Variants in ASB4 observed in about 807,000 individuals in gnomAD.
ASB4 encodes ankyrin repeat and SOCS box containing 4, also known as ankyrin repeat and SOCS box protein 4.
In ASB4, 35 loss-of-function variants were observed where a neutral mutation model predicts 38.6. The observed-to-expected ratio is 0.91, with a 90% CI of 0.69 to 1.20. The LOEUF (loss-of-function observed/expected upper bound fraction) is 1.20. Ranked by LOEUF, ASB4 falls within the 50% of genes most tolerant of loss-of-function variation. ASB4 has a pLI of 0.00. For missense variants in ASB4, 557 were observed against 527.2 expected (o/e 1.06, Z -0.55); for synonymous variants, 195 against 201.3 (o/e 0.97, Z 0.26).
downstream of ASB4, chr7:95,542,924 T>C (rs1790989717): frequency 6.6e-6 from 1 of 152,174 alleles, no homozygotes. Flanking sequence ...CCTGGATTAG[T>C]TTTCAGTGCT....
chr7:95,526,302 T>TGGCACAATGACCTTGTTCTGTG (rs1790735035), intron 2 of ASB4, among the ~76,000 whole-genome samples: 1 of 152,220 alleles, frequency 6.6e-6, no homozygotes, highest in Non-Finnish European at 1.5e-5. Flanking sequence ...GACTTCTTCC[T>TGGCACAATGACCTTGTTCTGTG]GGCACAATGA....
upstream of ASB4, among the ~76,000 whole-genome samples, chr7:95,481,885 T>C (rs1306925022): frequency 6.6e-6 from 1 of 152,170 alleles, no homozygotes; most frequent in East Asian, 1.9e-4. Context: ...TCTTATAGAA[T>C]GGAGAGTTTT....
intron 3 of ASB4, among the ~76,000 whole-genome samples, chr7:95,529,937 T>C (rs796837161): frequency 1.3e-5 from 2 of 152,058 alleles, no homozygotes; most frequent in South Asian, 4.1e-4. Context: ...TTAACAAATA[T>C]TTACTTAACA....
chr7:95,490,847 A>G (rs994775868), intron 1 of ASB4, among the ~76,000 whole-genome samples: 1 of 152,272 alleles, frequency 6.6e-6, no homozygotes, highest in Admixed American at 6.5e-5. Flanking sequence ...ATTAGTCTGC[A>G]TATTTTCTTT....
the ASB4 span, among the ~76,000 whole-genome samples, chr7:95,550,790 G>C: frequency 1.7e-4 from 26 of 152,202 alleles, no homozygotes; most frequent in East Asian, 3.9e-3. Context: ...CAGCAAGGAC[G>C]GCAAAGGTTA....
At position 95,526,950 on chromosome 7, in the gene ASB4, C is replaced by A. The variant is rs115830213; in HGVS notation, c.488-863C>A. Among the ~76,000 whole-genome samples, 1,291 of 152,274 alleles carry A rather than the reference C, an allele frequency of 8.5e-3. 20 individuals are homozygous for A. The highest frequency in any genetic ancestry group is 0.028 in the African/African-American group (1,160 of 41,544). ...TTTCTAATTAGAAAAACAAAATTCACTTAAGTTTTCTAGTCTGTTAAATAA... is the reference window on the plus strand; with the variant it reads ...TTTCTAATTAGAAAAACAAAATTCAATTAAGTTTTCTAGTCTGTTAAATAA... On this transcript the variant is annotated intron_variant, in intron 2 of 4. Coordinates refer to ENST00000325885, the MANE Select transcript of ASB4 (RefSeq NM_016116.3).
intron 3 of ASB4, among the ~76,000 whole-genome samples, chr7:95,530,597 G>T (rs929687803): frequency 6.6e-6 from 1 of 152,160 alleles, no homozygotes; most frequent in African/African-American, 2.4e-5. Context: ...ATGTTTGAGG[G>T]AGAGCAAGGA....
chr7:95,507,702 G>A (rs1159235995), intron 2 of ASB4, among the ~76,000 whole-genome samples: 1 of 152,120 alleles, frequency 6.6e-6, no homozygotes, highest in Non-Finnish European at 1.5e-5. Flanking sequence ...CTAGCACTAG[G>A]GAAAAGAGTG....
chr7:95,477,921 A>C (rs1585789200), upstream of ASB4, among the ~76,000 whole-genome samples: 1 of 149,434 alleles, frequency 6.7e-6, no homozygotes, highest in Non-Finnish European at 1.5e-5. Context: ...TTGTTGTGCA[A>C]TTTTTTTTTT....
At chr7:95,488,697 C>T (rs918713784) in intron 1 of ASB4, among the ~76,000 whole-genome samples, 15 of 152,174 alleles carry the variant, frequency 9.9e-5, no homozygotes, top group African/African-American at 3.6e-4. Flanking sequence ...CTACACACTG[C>T]TCTTTGATTT....
rs537076908 is a variant in ASB4 at position 95,536,258 on chromosome 7, C to A, written c.979-179C>A. On this transcript the variant is annotated intron_variant, in intron 3 of 4. Transcript: ENST00000325885. The stretch of plus-strand genomic sequence containing the variant: ...ACAGATAGGGTCTTGATGTGTTGCC[C>A]AAGATAGCTTTGAACTCTTGGGCTC... Among the ~76,000 whole-genome samples the A allele has an allele frequency of 5.3e-5, 8 of 152,094 alleles. No individual in the cohort carries two copies. The South Asian group carries it at 1.7e-3, about 32-fold the overall frequency.
At chr7:95,480,331 T>G (rs957636136) in intron 1 of ASB4, among the ~76,000 whole-genome samples, 2 of 152,308 alleles carry the variant, frequency 1.3e-5, no homozygotes, top group Admixed American at 1.3e-4. Context: ...GCTTTCTTTG[T>G]GTATCTGCAG....
chr7:95,484,841 C>G (rs1281791425), upstream of ASB4, among the ~76,000 whole-genome samples: 1 of 151,652 alleles, frequency 6.6e-6, no homozygotes, highest in African/African-American at 2.4e-5. Flanking sequence ...AAATTTCAAA[C>G]TTACAGAAAA....
At chr7:95,485,655 T>C (rs986377600), upstream of ASB4, among the ~76,000 whole-genome samples, 1 of 152,236 alleles carries the variant, frequency 6.6e-6, no homozygotes, top group Non-Finnish European at 1.5e-5. Flanking sequence ...TTAAATCTTA[T>C]ATTATTACTT....
At chr7:95,484,791 AAATTAAGTGTATACTTTTC>A (rs1429411323), upstream of ASB4, among the ~76,000 whole-genome samples, 1 of 152,018 alleles carries the variant, frequency 6.6e-6, no homozygotes, top group Non-Finnish European at 1.5e-5. Context: ...TATGTAAGAA[AAATTAAGTGTATACTTTTC>A]TCTCCAACTT....
intron 2 of ASB4, among the ~76,000 whole-genome samples, chr7:95,501,284 G>C (rs762535540): frequency 4.6e-5 from 7 of 152,156 alleles, no homozygotes; most frequent in African/African-American, 9.7e-5. Context: ...ATGTAGCATG[G>C]GGGCAATGTA....
chr7:95,549,463 AT>A, the ASB4 span, among the ~76,000 whole-genome samples: 1 of 151,472 alleles, frequency 6.6e-6, no homozygotes, highest in Non-Finnish European at 1.5e-5. Context: ...CGCCCGGCTA[AT>A]TTTTTTGTAT....
chr7:95,533,887 C>G (rs1040826478), intron 3 of ASB4, among the ~76,000 whole-genome samples: 1 of 152,162 alleles, frequency 6.6e-6, no homozygotes, highest in Non-Finnish European at 1.5e-5. Flanking sequence ...TCTCTCGTGC[C>G]TATTAGGATT....
At chr7:95,507,953 G>C (rs866838519) in intron 2 of ASB4, among the ~76,000 whole-genome samples, 1 of 152,120 alleles carries the variant, frequency 6.6e-6, no homozygotes, top group Non-Finnish European at 1.5e-5. Flanking sequence ...GAGTGGGGGG[G>C]ATTGAGAACT....
Sources: gnomAD v4.1 joint callset for allele counts (sites outside exome capture counted in the v4.1 genomes callset) on GRCh38, gnomAD v4.1.1 for gene constraint, MANE v1.5 for transcripts, NCBI Gene and HGNC (gene_info 2026-07-23, HGNC 2026-07-21) for gene names.